The following FBXO30 variants were observed in gnomAD, a reference collection of about 807,000 sequenced individuals.
The protein encoded by FBXO30 is F-box only protein 30.
In FBXO30, 21 loss-of-function variants were observed where a neutral mutation model predicts 58.1. That is an observed-to-expected ratio of 0.36 (90% confidence interval 0.26 to 0.52). FBXO30 has a LOEUF of 0.52. Ranked by LOEUF, FBXO30 falls within the 20% of genes least tolerant of loss-of-function variation. The probability of loss-of-function intolerance (pLI) is 0.93; values close to 1 mark genes in which losing one functional copy is unlikely to be tolerated. For synonymous variants in FBXO30, 309 were observed against 312.4 expected (o/e 0.99, Z 0.11); for missense variants, 744 against 897.3 (o/e 0.83, Z 2.18).
rs781736888 is a variant in FBXO30 at position 145,805,866 on chromosome 6, A to G, written c.540T>C (p.Gly180=). 3 of 1,613,926 alleles carry G rather than the reference A, an allele frequency of 1.9e-6. No individual in the cohort carries two copies. The highest frequency in any genetic ancestry group is 2.5e-6 in the Non-Finnish European group (3 of 1,179,992). ...GLVSVDEESY[G]ALYQATVETT... ...TTTCTACAGTAGCTTGATAAAGTGC[A>G]CCATAAGATTCTTCATCAACAGACA... The change falls in exon 2 of 3, where the codon GGT becomes GGC. Residue 180 remains glycine, a synonymous_variant. Transcript: ENST00000237281.
In FBXO30 at chr6:145,804,656, A is replaced by G. The variant is rs760667119; in HGVS notation, c.1750T>C (p.Leu584=). 21 of 1,613,910 alleles carry G rather than the reference A, an allele frequency of 1.3e-5. 1 individual carries two copies. In the South Asian group the frequency reaches 2.2e-4, roughly 17 times the overall value. The change falls in exon 2 of 3, where the codon TTG becomes CTG. Residue 584 remains leucine, a synonymous_variant. Transcript: ENST00000237281. Reference sequence around the variant, plus strand: ...CATGGCTGAACTCCAAATGACCTCAAATGGCGGTCATGTATAATCTTTGCT... The same window carrying G: ...CATGGCTGAACTCCAAATGACCTCAGATGGCGGTCATGTATAATCTTTGCT... ...QGAKIIHDRH[L]RSFGVQPCVS... is the part of the protein sequence containing the mutation.
rs1381380280 is a variant in FBXO30 at position 145,805,964 on chromosome 6, T to A, written c.442A>T (p.Lys148Ter). Residue 148 changes from lysine (K) to a stop codon, truncating the protein, a stop_gained, in exon 2 of 3, where the codon AAA becomes TAA. Transcript: ENST00000237281. LOFTEE classifies it high-confidence loss of function. ...ATTTGTTCTCTAGGTTTGGATACTT[T>A]ATCAGTTGCTTTTGACATCATGGTG... The part of the protein sequence containing the change: ...VATMMSKATD[K>*]VSKPREQISV... 6.2e-7 allele frequency: 1 copy of A among 1,614,004 alleles called. No individual in the cohort carries two copies. Among genetic ancestry groups the A allele is most frequent in the Non-Finnish European group, 8.5e-7 (1 of 1,180,002 alleles).
chr6:145,804,740 G>A lies in FBXO30; in HGVS notation c.1666C>T (p.Pro556Ser). 2 of 1,613,884 alleles carry A rather than the reference G, an allele frequency of 1.2e-6. No individual in the cohort carries two copies. The highest frequency in any genetic ancestry group is 1.1e-5 in the South Asian group (1 of 91,076). The part of the protein sequence containing the change: ...GLNGWMEQRC[P>S]LAYYGCTYSQ... ...TAGGTACAACCATAGTAAGCTAAAG[G>A]GCACCTCTGTTCCATCCAGCCATTG... The change falls in exon 2 of 3, where the codon CCT becomes TCT. Residue 556 changes from proline to serine, a missense_variant. By Grantham distance (74) the Pro-to-Ser change is moderately conservative (BLOSUM62 -1). Coordinates refer to ENST00000237281, the MANE Select transcript of FBXO30 (RefSeq NM_032145.5).
intron 2 of FBXO30, among the ~76,000 whole-genome samples, chr6:145,804,130 T>A (rs757603630): frequency 2.0e-5 from 3 of 152,120 alleles, no homozygotes; most frequent in African/African-American, 4.8e-5. Flanking sequence ...ACGTAAGTGG[T>A]CTCTGCCATA....
Position 145,805,623 on chromosome 6 carries a change from A to C in FBXO30, c.783T>G (p.Ser261=). 1 of 1,614,114 alleles carries C rather than the reference A, an allele frequency of 6.2e-7. No individual in the cohort carries two copies. The highest frequency in any genetic ancestry group is 1.1e-5 in the South Asian group (1 of 91,084). ...DYNDTNQNAQ[S]EQNGSSDLLC... ...ATAAATCACTTGAACCATTTTGTTC[A>C]GACTGGGCATTCTGATTTGTGTCAT... is the stretch of plus-strand genomic sequence containing the variant. The change falls in exon 2 of 3, where the codon TCT becomes TCG. Residue 261 remains serine (S), a synonymous_variant. Coordinates refer to ENST00000237281, the MANE Select transcript of FBXO30 (RefSeq NM_032145.5).
chr6:145,808,743 A>C (rs1432409427), intron 1 of FBXO30, among the ~76,000 whole-genome samples: 1 of 152,194 alleles, frequency 6.6e-6, no homozygotes, highest in Non-Finnish European at 1.5e-5. Flanking sequence ...ATTAAATTAC[A>C]TTGTAGTAGA....
At position 145,806,091 on chromosome 6, in the gene FBXO30, T is replaced by C. The variant is rs1377023255; in HGVS notation, c.315A>G (p.Lys105=). 2.5e-6 allele frequency: 4 copies of C among 1,613,966 alleles called. No homozygotes were observed. Among genetic ancestry groups the C allele is most frequent in the Non-Finnish European group, 2.5e-6 (3 of 1,179,986 alleles). ...NRWPVSYADR[K]SYENLSRDVD... is the part of the protein sequence containing the mutation. ...CATCTCTGCTTAGATTTTCATATGA[T>C]TTCCGGTCTGCATAACTAACTGGCC... The change falls in exon 2 of 3, where the codon AAA becomes AAG. Residue 105 remains lysine, a synonymous_variant. Transcript: ENST00000237281.
At chr6:145,802,050 C>G (rs1215403367) in intron 2 of FBXO30, among the ~76,000 whole-genome samples, 1 of 152,094 alleles carries the variant, frequency 6.6e-6, no homozygotes, top group African/African-American at 2.4e-5. Context: ...AGGTACTATG[C>G]AAGGCAGTAT....
chr6:145,811,765 T>G (rs533001143), intron 1 of FBXO30, among the ~76,000 whole-genome samples: 5 of 152,342 alleles, frequency 3.3e-5, no homozygotes, highest in Admixed American at 2.6e-4. Context: ...TGTTCCAATG[T>G]AAGGCTGATA....
chr6:145,800,404 G>A lies in FBXO30; in HGVS notation c.2035-95C>T, dbSNP rs559396833. 102 of 930,978 alleles carry A rather than the reference G, an allele frequency of 1.1e-4. 3 individuals carry two copies. In the South Asian group the frequency reaches 1.6e-3, roughly 14 times the overall value. 57.7% of individuals were successfully genotyped at this position (930,978 alleles called of 1,614,324 possible). A position where few individuals can be genotyped will look rare whatever the true frequency, so the allele number is the denominator to read the frequency against. ...TACTGCATACATTTCTGCTATTATA[G>A]AAGCATCCAATATAAAGTTTCAAAT... On this transcript the variant is annotated intron_variant, in intron 2 of 2. Transcript: ENST00000237281.
In FBXO30 at chr6:145,803,495, A is replaced by T. The variant is rs17054153; in HGVS notation, c.2034+877T>A. Reference sequence around the variant, plus strand: ...CCAGAGTTTGAATGCTGTGCAACTAAATGTAAAGTTTATCACAATTGTTTC... The same window carrying T: ...CCAGAGTTTGAATGCTGTGCAACTATATGTAAAGTTTATCACAATTGTTTC... On this transcript the variant is annotated intron_variant, in intron 2 of 2. Coordinates refer to ENST00000237281, the MANE Select transcript of FBXO30 (RefSeq NM_032145.5). Among the ~76,000 whole-genome samples, 633 of 152,266 alleles carry T rather than the reference A, an allele frequency of 4.2e-3. 18 individuals are homozygous for T. In the East Asian group the frequency reaches 0.071, roughly 17 times the overall value.
At chr6:145,802,558 G>A (rs1778035591) in intron 2 of FBXO30, among the ~76,000 whole-genome samples, 1 of 152,260 alleles carries the variant, frequency 6.6e-6, no homozygotes, top group African/African-American at 2.4e-5. Flanking sequence ...AGATAAAGAT[G>A]AGATTATGAA....
chr6:145,801,882 C>G lies in FBXO30; in HGVS notation c.2035-1573G>C, dbSNP rs189825613. Among the ~76,000 whole-genome samples, 3 of 152,228 alleles carry G rather than the reference C, an allele frequency of 2.0e-5. No individual in the cohort carries two copies. The East Asian group carries it at 5.8e-4, about 29-fold the overall frequency. The stretch of plus-strand genomic sequence containing the variant: ...GATTCAATGGAGACAGGCAGTCTCT[C>G]TACTTCCATACAACTGAGAGTCTGG... On this transcript the variant is annotated intron_variant, in intron 2 of 2. Coordinates refer to ENST00000237281, the MANE Select transcript of FBXO30 (RefSeq NM_032145.5).
rs1423212233 is a variant in FBXO30, at chr6:145,804,474, C to T, written c.1932G>A (p.Arg644=). ...CQLSCVSKLM[R]DVCGSLLQSR... ...ACTGAAGCAGGCTGCCACACACATC[C>T]CTCATTAACTTGGATACACATGAGA... Residue 644 remains arginine, a synonymous_variant, in exon 2 of 3, where the codon AGG becomes AGA. Transcript: ENST00000237281. 6.2e-7 allele frequency: 1 copy of T among 1,613,706 alleles called. No individual in the cohort carries two copies.
At position 145,799,445 on chromosome 6, in the gene FBXO30, A is replaced by T. The variant is rs1329817716; in HGVS notation, c.*661T>A. On this transcript the variant is annotated 3_prime_UTR_variant, in exon 3 of 3. Coordinates refer to ENST00000237281, the MANE Select transcript of FBXO30 (RefSeq NM_032145.5). ...ATAACACACTGCGATGAGTCTTCGG[A>T]TGTGGCATCTAACAAAAAAGAAAGC... is the stretch of plus-strand genomic sequence containing the variant. 1.3e-5 allele frequency: 2 copies of T among 152,242 alleles called. No homozygotes were observed. Among genetic ancestry groups the T allele is most frequent in the East Asian group, 3.9e-4 (2 of 5,190 alleles). 9.4% of individuals were successfully genotyped at this position (152,242 alleles called of 1,614,324 possible).
rs990263582 is a variant in FBXO30, at chr6:145,795,864, T to C, written c.*4242A>G. The C allele has an allele frequency of 6.6e-6, 1 of 151,888 alleles. No individual in the cohort carries two copies. Among genetic ancestry groups the C allele is most frequent in the East Asian group, 1.9e-4 (1 of 5,192 alleles). 9.4% of individuals were successfully genotyped at this position (151,888 alleles called of 1,614,324 possible). A position where few individuals can be genotyped will look rare whatever the true frequency, so the allele number is the denominator to read the frequency against. ...TTATTTAAAAAAGTTTAATCATAGA[T>C]GCAATAACCTACTTGTAAAATTCAG... is the stretch of plus-strand genomic sequence containing the variant. On this transcript the variant is annotated 3_prime_UTR_variant, in exon 3 of 3. Transcript: ENST00000237281.
In FBXO30 at chr6:145,799,305, G is replaced by C. The variant is rs1347993022; in HGVS notation, c.*801C>G. ...TACGCCCAATTCAAACCTAAATGAG[G>C]TATATTTTCTTTTAAAACATTAGAT... On this transcript the variant is annotated 3_prime_UTR_variant, in exon 3 of 3. Transcript: ENST00000237281. 6.6e-6 allele frequency: 1 copy of C among 152,170 alleles called. No homozygotes were observed. The highest frequency in any genetic ancestry group is 2.4e-5 in the African/African-American group (1 of 41,320). The allele number at this position is 152,170 out of a possible 1,614,324, so 9.4% of individuals were successfully genotyped here. A position where few individuals can be genotyped will look rare whatever the true frequency, so the allele number is the denominator to read the frequency against.
Position 145,805,673 on chromosome 6 carries a change from C to T in FBXO30, c.733G>A (p.Gly245Arg). 1 of 1,614,082 alleles carries T rather than the reference C, an allele frequency of 6.2e-7. No individual in the cohort carries two copies. The highest frequency in any genetic ancestry group is 8.5e-7 in the Non-Finnish European group (1 of 1,179,984). Reference sequence around the variant, plus strand: ...TTGTAGTCAATTCCACCTACTGCTCCTATTTCCTCCTCATAAAGATGATCT... The same window carrying T: ...TTGTAGTCAATTCCACCTACTGCTCTTATTTCCTCCTCATAAAGATGATCT... Reference protein sequence around the residue: ...DQDHLYEEEIGAVGGIDYNDT... With the variant: ...DQDHLYEEEIRAVGGIDYNDT... The change falls in exon 2 of 3, where the codon GGA (glycine) becomes AGA (arginine). Residue 245 changes from glycine (G) to arginine (R), a missense_variant. Gly to Arg is a moderately radical substitution (Grantham distance 125). Around this residue, in one of 3 missense-constraint regions of FBXO30, gnomAD observed 275 missense variants for 262.0 expected, o/e 1.05. Transcript: ENST00000237281.
chr6:145,811,679 G>A (rs922588104), intron 1 of FBXO30, among the ~76,000 whole-genome samples: 13 of 152,154 alleles, frequency 8.5e-5, no homozygotes, highest in Admixed American at 4.6e-4. Context: ...TTTAAAATAG[G>A]AAGTGCTATC....
Sources: gnomAD v4.1 joint callset for allele counts (sites outside exome capture counted in the v4.1 genomes callset) on GRCh38, gnomAD v4.1.1 for gene constraint, gnomAD v4.1.1 regional missense constraint, MANE v1.5 for transcripts, NCBI Gene and HGNC (gene_info 2026-07-23, HGNC 2026-07-21) for gene names.